CDH12: variants seen among roughly 807,000 people sequenced by gnomAD.
CDH12 encodes the protein cadherin 12, also known as cadherin-12.
Under a neutral mutation model 74.1 loss-of-function variants are expected in CDH12, and 41 were observed. The observed-to-expected ratio is 0.55, with a 90% CI of 0.43 to 0.72. CDH12 has a LOEUF of 0.72. Among genes scored for constraint, CDH12 ranks in the 30% least tolerant of loss-of-function variants. The pLI, the probability that CDH12 is intolerant of heterozygous loss-of-function variation, is 0.00. For synonymous variants in CDH12, 399 were observed against 355.0 expected (o/e 1.12, Z -1.39); for missense variants, 945 against 977.2 (o/e 0.97, Z 0.44).
intron 4 of CDH12, among the ~76,000 whole-genome samples, chr5:22,106,268 C>A (rs2150255245): frequency 6.6e-6 from 1 of 152,208 alleles, no homozygotes; most frequent in Non-Finnish European, 1.5e-5. Flanking sequence ...TATGTATCCC[C>A]AAACATAAAA....
chr5:21,961,543 C>A (rs911746381), intron 6 of CDH12, among the ~76,000 whole-genome samples: 6 of 152,014 alleles, frequency 3.9e-5, no homozygotes, highest in African/African-American at 1.4e-4. Flanking sequence ...AAGGATGCGA[C>A]CTTATTTAAA....
intron 5 of CDH12, among the ~76,000 whole-genome samples, chr5:22,057,608 G>C (rs758137712): frequency 1.2e-4 from 19 of 152,242 alleles, no homozygotes; most frequent in Non-Finnish European, 2.2e-4. Flanking sequence ...GGAAACTGGG[G>C]ACATAGATTT....
At chr5:22,035,708 A>G (rs1739129881) in intron 5 of CDH12, among the ~76,000 whole-genome samples, 1 of 111,636 alleles carries the variant, frequency 9.0e-6, no homozygotes, top group Non-Finnish European at 1.8e-5. Flanking sequence ...TTTACACTTC[A>G]CACATACACA....
chr5:22,682,497 C>T (rs1177128669), intron 1 of CDH12, among the ~76,000 whole-genome samples: 1 of 151,954 alleles, frequency 6.6e-6, no homozygotes, highest in African/African-American at 2.4e-5. Flanking sequence ...TTGTATACAA[C>T]AGAGATTCTA....
intron 4 of CDH12, among the ~76,000 whole-genome samples, chr5:22,174,908 A>G (rs938776493): frequency 3.9e-5 from 6 of 152,026 alleles, no homozygotes; most frequent in Admixed American, 2.0e-4. Flanking sequence ...TTGCTGTGCC[A>G]GGAATATAAG....
intron 8 of CDH12, among the ~76,000 whole-genome samples, chr5:21,833,314 G>GTTATATT (rs1749299858): frequency 7.5e-4 from 3 of 3,976 alleles, no homozygotes; most frequent in Non-Finnish European, 1.2e-3. Flanking sequence ...TATGTTATAT[G>GTTATATT]TTATATAATA....
chr5:22,626,495 C>T (rs998972990), intron 1 of CDH12, among the ~76,000 whole-genome samples: 2 of 152,126 alleles, frequency 1.3e-5, no homozygotes, highest in Non-Finnish European at 2.9e-5. Context: ...GGCTTAGCCC[C>T]CTGAAATCTT....
chr5:22,093,988 C>G (rs1476059428), intron 4 of CDH12, among the ~76,000 whole-genome samples: 1 of 152,182 alleles, frequency 6.6e-6, no homozygotes, highest in Non-Finnish European at 1.5e-5. Context: ...AGTATTTCCA[C>G]TGATTTACAT....
intron 6 of CDH12, among the ~76,000 whole-genome samples, chr5:21,886,614 G>A (rs919627398): frequency 2.7e-5 from 4 of 147,742 alleles, no homozygotes; most frequent in Non-Finnish European, 6.0e-5. Flanking sequence ...AACTCTTTGA[G>A]GTTTTGTTCT....
intron 6 of CDH12, among the ~76,000 whole-genome samples, chr5:21,919,502 C>T (rs1379849278): frequency 6.6e-6 from 1 of 151,956 alleles, no homozygotes; most frequent in Non-Finnish European, 1.5e-5. Flanking sequence ...GCCTATTCAC[C>T]CTCCACTTCT....
intron 1 of CDH12, among the ~76,000 whole-genome samples, chr5:22,629,560 T>C (rs1352229180): frequency 6.6e-6 from 1 of 152,074 alleles, no homozygotes; most frequent in Non-Finnish European, 1.5e-5. Context: ...AGATTCGACA[T>C]ACCTTCATGT....
intron 1 of CDH12, among the ~76,000 whole-genome samples, chr5:22,760,891 C>T (rs887224361): frequency 2.6e-5 from 4 of 151,986 alleles, no homozygotes; most frequent in Non-Finnish European, 4.4e-5. Flanking sequence ...ATATCCAGAT[C>T]CACAACATGC....
chr5:22,468,143 G>A (rs1172709939), intron 2 of CDH12, among the ~76,000 whole-genome samples: 1 of 152,130 alleles, frequency 6.6e-6, no homozygotes, highest in East Asian at 1.9e-4. Flanking sequence ...AGAGTCTTTG[G>A]TTCTTTTGAA....
At chr5:22,790,540 CAT>C (rs1206653713) in intron 1 of CDH12, among the ~76,000 whole-genome samples, 1 of 151,982 alleles carries the variant, frequency 6.6e-6, no homozygotes, top group African/African-American at 2.4e-5. Context: ...CCCTTTGACA[CAT>C]GTGGAATAAA....
rs188433685 is a variant in CDH12 at position 22,568,124 on chromosome 5, T to C, written c.-522-62760A>G. On this transcript the variant is annotated intron_variant, in intron 1 of 14. Transcript: ENST00000382254. ...TGGAAAACCTAAGAACTGGATTTTA[T>C]TCTAGATTGTTATGAGTCAGAAACT... Among the ~76,000 whole-genome samples the C allele has an allele frequency of 4.1e-4, 63 of 152,342 alleles. 1 individual carries two copies. The highest frequency in any genetic ancestry group is 1.4e-3 in the African/African-American group (58 of 41,592).
chr5:21,764,998 C>T lies in CDH12; in HGVS notation c.1495G>A (p.Glu499Lys). The T allele has an allele frequency of 6.2e-7, 1 of 1,613,704 alleles. No homozygotes were observed. ...ISVPYETAVC[E>K]NAKPGQIIQI... ...GATACCTGTCCTGGCTTGGCATTTT[C>T]ACACACGGCTGTCTCATATGGCACA... The change falls in exon 12 of 15, where the codon GAA becomes AAA. Residue 499 changes from glutamate to lysine, a missense_variant. Glu to Lys is a moderately conservative substitution (Grantham distance 56). Around this residue, in one of 3 missense-constraint regions of CDH12, gnomAD observed 791 missense variants for 792.8 expected, o/e 1.00. Transcript: ENST00000382254.
At chr5:21,947,754 T>G (rs1755644980) in intron 6 of CDH12, among the ~76,000 whole-genome samples, 1 of 152,198 alleles carries the variant, frequency 6.6e-6, no homozygotes, top group Non-Finnish European at 1.5e-5. Context: ...AAAATTTTTC[T>G]TGGGCGTATC....
chr5:21,793,923 T>G (rs1746637443), intron 10 of CDH12, among the ~76,000 whole-genome samples: 1 of 149,872 alleles, frequency 6.7e-6, no homozygotes, highest in Admixed American at 6.7e-5. Flanking sequence ...ACTATTTTAA[T>G]ATATAAATAT....
chr5:21,883,101 G>A (rs1752443099), intron 6 of CDH12: 7 of 1,599,906 alleles, frequency 4.4e-6, no homozygotes, highest in Non-Finnish European at 6.0e-6. Flanking sequence ...AATTGCACAG[G>A]TTGCTATGAT....
Sources: gnomAD v4.1 joint callset for allele counts (sites outside exome capture counted in the v4.1 genomes callset) on GRCh38, gnomAD v4.1.1 for gene constraint, gnomAD v4.1.1 regional missense constraint, MANE v1.5 for transcripts, NCBI Gene and HGNC (gene_info 2026-07-23, HGNC 2026-07-21) for gene names.